Variants in TACR1 observed in about 807,000 individuals in gnomAD.
The protein encoded by TACR1 is tachykinin receptor 1.
Under a neutral mutation model 35.8 loss-of-function variants are expected in TACR1, and 25 were observed. That is an observed-to-expected ratio of 0.70 (90% confidence interval 0.51 to 0.98). TACR1 has a LOEUF of 0.98. Ranked by LOEUF, TACR1 falls within the 50% of genes least tolerant of loss-of-function variation. The pLI is 0.00. For synonymous variants in TACR1, 195 were observed against 206.7 expected (o/e 0.94, Z 0.48); for missense variants, 478 against 522.9 (o/e 0.91, Z 0.84).
At chr2:75,127,729 T>A (rs1188741891) in intron 1 of TACR1, among the ~76,000 whole-genome samples, 2 of 152,210 alleles carry the variant, frequency 1.3e-5, no homozygotes, top group Non-Finnish European at 2.9e-5. Context: ...GGAAACAAAG[T>A]ACCTGATGTA....
chr2:75,189,929 A>G (rs545241524), intron 1 of TACR1: 1 of 152,250 alleles, frequency 6.6e-6, no homozygotes, highest in Admixed American at 6.5e-5. Context: ...TGACTAATAA[A>G]AATATGTAAG....
intron 2 of TACR1, among the ~76,000 whole-genome samples, chr2:75,115,935 C>A (rs1673848176): frequency 7.3e-6 from 1 of 136,556 alleles, no homozygotes. Context: ...AAAAGAGAAG[C>A]TCTTTATGAA....
intron 2 of TACR1, among the ~76,000 whole-genome samples, chr2:75,103,907 A>G (rs1673590127): frequency 6.6e-6 from 1 of 152,124 alleles, no homozygotes; most frequent in Non-Finnish European, 1.5e-5. Context: ...TAAAGTAGAT[A>G]CATAAAAGAT....
chr2:75,114,450 G>T (rs1458903453), intron 2 of TACR1, among the ~76,000 whole-genome samples: 1 of 152,046 alleles, frequency 6.6e-6, no homozygotes, highest in Admixed American at 6.6e-5. Context: ...AGAAATGTTG[G>T]CTCATTCATC....
chr2:75,141,068 G>T (rs923788986), intron 1 of TACR1, among the ~76,000 whole-genome samples: 1 of 152,106 alleles, frequency 6.6e-6, no homozygotes, highest in Non-Finnish European at 1.5e-5. Context: ...CTTAAGAACT[G>T]GGTATTTAGA....
chr2:75,154,450 A>ACACACACACACACACACACTCT (rs1362786009), intron 1 of TACR1: 1 of 89,126 alleles, frequency 1.1e-5, no homozygotes, highest in African/African-American at 4.4e-5. Context: ...ACACACACAC[A>ACACACACACACACACACACTCT]CTCTGAAGAA....
At chr2:75,063,005 C>T (rs953668182) in intron 2 of TACR1, among the ~76,000 whole-genome samples, 5 of 152,096 alleles carry the variant, frequency 3.3e-5, no homozygotes, top group African/African-American at 7.2e-5. Flanking sequence ...ATAATCATGG[C>T]GGAAGGTGAA....
chr2:75,144,074 C>T (rs191457753), intron 1 of TACR1, among the ~76,000 whole-genome samples: 62 of 152,314 alleles, frequency 4.1e-4, no homozygotes, highest in African/African-American at 6.3e-4. Flanking sequence ...CTAGTTTCCA[C>T]GATCATGGGG....
At chr2:75,182,485 T>C (rs1459463643) in intron 1 of TACR1, among the ~76,000 whole-genome samples, 1 of 152,242 alleles carries the variant, frequency 6.6e-6, no homozygotes, top group African/African-American at 2.4e-5. Flanking sequence ...AATTTTCATA[T>C]ACAGCCATGC....
At chr2:75,088,044 C>T (rs1673222923) in intron 2 of TACR1, among the ~76,000 whole-genome samples, 1 of 152,192 alleles carries the variant, frequency 6.6e-6, no homozygotes, top group Admixed American at 6.5e-5. Flanking sequence ...TCTCGGTCCT[C>T]ATTTCTCTAG....
chr2:75,188,109 C>T (rs1558586929), intron 1 of TACR1: 1 of 151,868 alleles, frequency 6.6e-6, no homozygotes, highest in African/African-American at 2.4e-5. Flanking sequence ...ATTTCAAGCT[C>T]AGGGCTGCAT....
chr2:75,101,622 C>T (rs918723409), intron 2 of TACR1, among the ~76,000 whole-genome samples: 1 of 152,044 alleles, frequency 6.6e-6, no homozygotes, highest in African/African-American at 2.4e-5. Flanking sequence ...TGGAACTGCA[C>T]CTGATAAATA....
At chr2:75,189,894 T>TCA (rs1675801595) in intron 1 of TACR1, 1 of 152,238 alleles carries the variant, frequency 6.6e-6, no homozygotes, top group East Asian at 1.9e-4. Context: ...AAAGATTATT[T>TCA]GATTTGTTAA....
chr2:75,082,896 G>C (rs955077206), intron 2 of TACR1, among the ~76,000 whole-genome samples: 2 of 152,124 alleles, frequency 1.3e-5, no homozygotes, highest in Admixed American at 1.3e-4. Context: ...TCTGATGGTA[G>C]TTTCTTTTGC....
chr2:75,088,177 G>T (rs1318481300), intron 2 of TACR1, among the ~76,000 whole-genome samples: 1 of 152,080 alleles, frequency 6.6e-6, no homozygotes, highest in Non-Finnish European at 1.5e-5. Flanking sequence ...TGCTCCTTCT[G>T]TGGCCGCACT....
In TACR1 at chr2:75,198,664, T is replaced by A; in HGVS notation, c.271A>T (p.Thr91Ser). Reference protein sequence around the residue: ...MAAFNTVVNFTYAVHNEWYYG... With the variant: ...MAAFNTVVNFSYAVHNEWYYG... ...TACCATTCGTTGTGGACAGCATAGG[T>A]GAAGTTCACCACTGTATTGAATGCA... is the stretch of plus-strand genomic sequence containing the variant. Residue 91 changes from threonine to serine, a missense_variant, in exon 1 of 5, where the codon ACC becomes TCC. Physicochemically the swap from Thr to Ser is moderately conservative, Grantham distance 58. Transcript: ENST00000305249. The A allele has an allele frequency of 1.2e-6, 2 of 1,614,120 alleles. No individual in the cohort carries two copies. The highest frequency in any genetic ancestry group is 1.7e-6 in the Non-Finnish European group (2 of 1,180,022).
At position 75,049,740 on chromosome 2, in the gene TACR1, T is replaced by A; in HGVS notation, c.933-17A>T. The A allele has an allele frequency of 6.2e-7, 1 of 1,606,442 alleles. No homozygotes were observed. Among genetic ancestry groups the A allele is most frequent in the Non-Finnish European group, 8.5e-7 (1 of 1,175,696 alleles). On this transcript the variant is annotated splice_polypyrimidine_tract_variant and intron_variant, in intron 4 of 4. Transcript: ENST00000305249. ...AGACGGAACCTGGAGAGCGAGCAGA[T>A]GAAGAGGTGACCCTTTGGGACGGCC...
intron 1 of TACR1, among the ~76,000 whole-genome samples, chr2:75,160,939 C>T (rs1190223594): frequency 6.6e-6 from 1 of 151,246 alleles, no homozygotes; most frequent in Non-Finnish European, 1.5e-5. Context: ...AAACATTTTG[C>T]CTATAAAGGA....
At chr2:75,129,888 C>G (rs1248773440) in intron 1 of TACR1, among the ~76,000 whole-genome samples, 1 of 152,144 alleles carries the variant, frequency 6.6e-6, no homozygotes, top group African/African-American at 2.4e-5. Flanking sequence ...AAAGGAAGGA[C>G]TAGGAAGGGG....
Sources: allele counts gnomAD v4.1 joint callset (sites outside exome capture counted in the v4.1 genomes callset), GRCh38; gene constraint gnomAD v4.1.1; transcripts MANE v1.5; gene names NCBI Gene and HGNC (gene_info 2026-07-23, HGNC 2026-07-21).